The following COX7B2 variants were observed in gnomAD, a reference collection of about 807,000 sequenced individuals.
COX7B2 encodes the protein cytochrome c oxidase subunit 7B2, mitochondrial.
For synonymous variants in COX7B2, 37 were observed against 32.1 expected (o/e 1.15, Z -0.51); for missense variants, 109 against 95.9 (o/e 1.14, Z -0.57).
At chr4:46,879,609 A>G (rs1271044174) in intron 1 of COX7B2, among the ~76,000 whole-genome samples, 1 of 151,336 alleles carries the variant, frequency 6.6e-6, no homozygotes, top group Admixed American at 6.6e-5. Flanking sequence ...AGTATGTTGC[A>G]TAATCTTTAT....
intron 2 of COX7B2, among the ~76,000 whole-genome samples, chr4:46,794,172 A>C (rs556514266): frequency 6.6e-6 from 1 of 152,348 alleles, no homozygotes; most frequent in East Asian, 1.9e-4. Flanking sequence ...TTATACACAG[A>C]GAAAATGGGA....
chr4:46,838,705 G>A (rs1047368115), intron 2 of COX7B2, among the ~76,000 whole-genome samples: 1 of 152,018 alleles, frequency 6.6e-6, no homozygotes, highest in Non-Finnish European at 1.5e-5. Context: ...TCAAAACCTA[G>A]ATCATTGGCA....
chr4:46,907,329 TCTAA>T (rs1720452934), intron 1 of COX7B2, among the ~76,000 whole-genome samples: 1 of 152,180 alleles, frequency 6.6e-6, no homozygotes, highest in African/African-American at 2.4e-5. Context: ...TTTCTCCAGC[TCTAA>T]CTTATTTTAT....
At chr4:46,866,269 G>A (rs1417282137) in intron 1 of COX7B2, among the ~76,000 whole-genome samples, 3 of 152,138 alleles carry the variant, frequency 2.0e-5, no homozygotes, top group Non-Finnish European at 2.9e-5. Flanking sequence ...TTGGAATTTG[G>A]GGAAAATACC....
At chr4:46,756,869 C>T (rs1395518324) in intron 2 of COX7B2, among the ~76,000 whole-genome samples, 1 of 152,026 alleles carries the variant, frequency 6.6e-6, no homozygotes, top group Non-Finnish European at 1.5e-5. Flanking sequence ...TAATGTAAAA[C>T]AAACTAGGTA....
intron 1 of COX7B2, among the ~76,000 whole-genome samples, chr4:46,870,316 A>G (rs1717907525): frequency 8.0e-6 from 1 of 124,474 alleles, no homozygotes; most frequent in Non-Finnish European, 1.7e-5. Context: ...AACAAACTAG[A>G]TATTGAAAAA....
chr4:46,813,071 C>T (rs1719369066), intron 2 of COX7B2, among the ~76,000 whole-genome samples: 1 of 152,148 alleles, frequency 6.6e-6, no homozygotes, highest in African/African-American at 2.4e-5. Flanking sequence ...CAGGGCACCA[C>T]TTCAGCTTGA....
At chr4:46,867,120 G>T (rs941904771) in intron 1 of COX7B2, among the ~76,000 whole-genome samples, 1 of 152,122 alleles carries the variant, frequency 6.6e-6, no homozygotes, top group African/African-American at 2.4e-5. Context: ...TTGTCACAAG[G>T]CTTCCAATTC....
intron 2 of COX7B2, among the ~76,000 whole-genome samples, chr4:46,778,551 TTA>T (rs149094316): frequency 3.7e-3 from 561 of 152,228 alleles, no homozygotes; most frequent in African/African-American, 0.013. Flanking sequence ...TCAAATTCAA[TTA>T]TGAGTGACCT....
At chr4:46,766,935 G>A (rs1042832661) in intron 2 of COX7B2, among the ~76,000 whole-genome samples, 1 of 151,996 alleles carries the variant, frequency 6.6e-6, no homozygotes, top group African/African-American at 2.4e-5. Context: ...AATAAAGCAA[G>A]AGAGGAAGAA....
At chr4:46,884,019 CAAAT>C (rs199945222) in intron 1 of COX7B2, among the ~76,000 whole-genome samples, 4,279 of 152,144 alleles carry the variant, frequency 0.028, 75 homozygotes, top group Middle Eastern at 0.12. Context: ...TTTTTCATAA[CAAAT>C]GAATGGATAA....
chr4:46,745,707 A>G (rs1348100262), intron 2 of COX7B2, among the ~76,000 whole-genome samples: 1 of 152,158 alleles, frequency 6.6e-6, no homozygotes, highest in Non-Finnish European at 1.5e-5. Flanking sequence ...ATTTTAGTGA[A>G]CTGATATTTC....
chr4:46,860,178 C>T (rs1271999865), intron 1 of COX7B2, among the ~76,000 whole-genome samples: 1 of 152,106 alleles, frequency 6.6e-6, no homozygotes, highest in Non-Finnish European at 1.5e-5. Flanking sequence ...GGTGGCAAGG[C>T]AGTGAGATGG....
chr4:46,890,851 T>C (rs1719390488), intron 1 of COX7B2, among the ~76,000 whole-genome samples: 3 of 152,206 alleles, frequency 2.0e-5, no homozygotes, highest in Admixed American at 2.0e-4. Flanking sequence ...GTATAATAAG[T>C]CACTAGAGAA....
chr4:46,763,082 A>G (rs1261609635), intron 2 of COX7B2, among the ~76,000 whole-genome samples: 3 of 131,782 alleles, frequency 2.3e-5, no homozygotes, highest in Admixed American at 8.9e-5. Context: ...AATATATATT[A>G]CATATTATAA....
intron 1 of COX7B2, among the ~76,000 whole-genome samples, chr4:46,852,892 T>A (rs1196212771): frequency 6.6e-6 from 1 of 152,100 alleles, no homozygotes; most frequent in Non-Finnish European, 1.5e-5. Flanking sequence ...TTAAAATAGA[T>A]CCCGAGTGTA....
intron 2 of COX7B2, among the ~76,000 whole-genome samples, chr4:46,770,951 A>G (rs1716842991): frequency 6.6e-6 from 1 of 152,200 alleles, no homozygotes; most frequent in Admixed American, 6.5e-5. Context: ...AGCACAGGCA[A>G]TAAAAGCAGA....
intron 2 of COX7B2, among the ~76,000 whole-genome samples, chr4:46,781,113 A>T (rs1194677055): frequency 6.6e-6 from 1 of 152,332 alleles, no homozygotes; most frequent in East Asian, 1.9e-4. Flanking sequence ...CATATGTACC[A>T]ACATATAGCT....
intron 2 of COX7B2, among the ~76,000 whole-genome samples, chr4:46,742,531 G>C (rs949635738): frequency 3.9e-5 from 6 of 152,074 alleles, no homozygotes; most frequent in African/African-American, 1.4e-4. Flanking sequence ...AATGCCGCTG[G>C]TAAAAATGCT....
Sources: allele counts gnomAD v4.1 joint callset (sites outside exome capture counted in the v4.1 genomes callset), GRCh38; gene constraint gnomAD v4.1.1; transcripts MANE v1.5; gene names NCBI Gene and HGNC (gene_info 2026-07-23, HGNC 2026-07-21).